Variants in MMAA observed in about 807,000 individuals in gnomAD.
MMAA encodes the protein metabolism of cobalamin associated A.
MMAA carries 41 observed loss-of-function variants against 45.0 expected under a neutral mutation model. The observed-to-expected ratio is 0.91, with a 90% CI of 0.71 to 1.18. MMAA has a LOEUF of 1.18. Ranked by LOEUF, MMAA falls within the 50% of genes most tolerant of loss-of-function variation. MMAA has a pLI of 0.00. For synonymous variants in MMAA, 154 were observed against 178.2 expected (o/e 0.86, Z 1.08); for missense variants, 460 against 495.7 (o/e 0.93, Z 0.68).
At chr4:145,646,250 T>C (rs1560799043) in intron 4 of MMAA, 94 bp downstream of exon 4, 4 of 1,383,502 alleles carry the variant, frequency 2.9e-6, no homozygotes, top group East Asian at 2.3e-5. Context: ...CAGCAGATAT[T>C]TGCTAAATGT....
chr4:145,635,774 C>G (rs1459489018), intron 1 of MMAA, among the ~76,000 whole-genome samples: 1 of 152,240 alleles, frequency 6.6e-6, no homozygotes, highest in African/African-American at 2.4e-5. Flanking sequence ...GATTTCCTCT[C>G]TCTGTTCTTT....
chr4:145,651,133 G>A lies in MMAA; in HGVS notation c.805G>A (p.Gly269Arg), dbSNP rs536601590. The A allele has an allele frequency of 1.2e-6, 2 of 1,613,876 alleles. No homozygotes were observed. The highest frequency in any genetic ancestry group is 2.7e-5 in the African/African-American group (2 of 75,050). ...MFVLLLPPAG[G>R]DELQGIKRGI... ...TGTTTTACTACTGCCACCAGCAGGAGGAGATGAGCTGCAGGTAATTATTTT... is the reference window on the plus strand; with the variant it reads ...TGTTTTACTACTGCCACCAGCAGGAAGAGATGAGCTGCAGGTAATTATTTT... Residue 269 changes from glycine (G) to arginine (R), a missense_variant, in exon 5 of 7, where the codon GGA becomes AGA. Physicochemically the swap from Gly to Arg is moderately radical, Grantham distance 125 (BLOSUM62 -2). Coordinates refer to ENST00000649156, the MANE Select transcript of MMAA (RefSeq NM_172250.3).
chr4:145,631,573 A>T (rs1340072241), intron 1 of MMAA, among the ~76,000 whole-genome samples: 1 of 152,068 alleles, frequency 6.6e-6, no homozygotes, highest in Non-Finnish European at 1.5e-5. Context: ...GCAACAGATC[A>T]TTGGGTCTTT....
At chr4:145,654,281 C>A (rs368666860) in intron 6 of MMAA, 138 bp downstream of exon 6, 3 of 1,066,924 alleles carry the variant, frequency 2.8e-6, no homozygotes, top group Admixed American at 3.8e-5. Flanking sequence ...ATGACAAAGA[C>A]GGAGTGTGTA....
chr4:145,647,001 G>A (rs1727943280), intron 4 of MMAA, among the ~76,000 whole-genome samples: 1 of 152,142 alleles, frequency 6.6e-6, no homozygotes, highest in African/African-American at 2.4e-5. Context: ...AAGCAGGAGA[G>A]TGAGAAAACC....
intron 1 of MMAA, chr4:145,624,100 C>A: frequency 9.6e-7 from 1 of 1,042,790 alleles, no homozygotes; most frequent in South Asian, 1.3e-5. Flanking sequence ...AAGCCACAGT[C>A]ACTCAGCTCA....
chr4:145,630,345 T>A (rs1465800741), intron 1 of MMAA, among the ~76,000 whole-genome samples: 1 of 152,238 alleles, frequency 6.6e-6, no homozygotes, highest in Non-Finnish European at 1.5e-5. Flanking sequence ...CCAGTTGTAA[T>A]GTCTCCTTTT....
intron 3 of MMAA, among the ~76,000 whole-genome samples, chr4:145,643,685 G>A (rs986754144): frequency 6.6e-6 from 1 of 152,204 alleles, no homozygotes; most frequent in African/African-American, 2.4e-5. Flanking sequence ...ATGTCAATAT[G>A]TTGTCTCATT....
intron 2 of MMAA, among the ~76,000 whole-genome samples, chr4:145,640,814 G>A (rs766575866): frequency 6.6e-6 from 1 of 152,136 alleles, no homozygotes; most frequent in African/African-American, 2.4e-5. Context: ...AATTAAACAA[G>A]CCAGTTTAGG....
intron 1 of MMAA, among the ~76,000 whole-genome samples, chr4:145,636,795 A>T (rs1372638289): frequency 6.6e-6 from 1 of 152,150 alleles, no homozygotes; most frequent in Non-Finnish European, 1.5e-5. Context: ...CACGTATTTT[A>T]TTCTGTGAGC....
intron 1 of MMAA, chr4:145,625,589 C>G (rs1734183508): frequency 3.8e-6 from 3 of 783,072 alleles, no homozygotes; most frequent in Admixed American, 3.4e-5. Context: ...TGGTGATGGT[C>G]TGGCACAGAG....
chr4:145,652,130 G>C (rs1728109976), intron 5 of MMAA, among the ~76,000 whole-genome samples: 1 of 152,166 alleles, frequency 6.6e-6, no homozygotes, highest in Admixed American at 6.5e-5. Context: ...TCCAAATGAA[G>C]ACACACATAA....
chr4:145,644,478 CATT>C (rs1727875153), intron 3 of MMAA, among the ~76,000 whole-genome samples: 1 of 152,074 alleles, frequency 6.6e-6, no homozygotes, highest in Non-Finnish European at 1.5e-5. Context: ...TATGTGGAAA[CATT>C]ATGTGGAAAG....
intron 1 of MMAA, among the ~76,000 whole-genome samples, chr4:145,634,422 G>T (rs554166130): frequency 1.3e-5 from 2 of 152,026 alleles, no homozygotes; most frequent in African/African-American, 2.4e-5. Context: ...TCAGTTTGTG[G>T]TGATGCTGGC....
chr4:145,627,662 C>T (rs1195529482), intron 1 of MMAA, among the ~76,000 whole-genome samples: 1 of 152,096 alleles, frequency 6.6e-6, no homozygotes, highest in Non-Finnish European at 1.5e-5. Flanking sequence ...TTGAATAGAA[C>T]ACTTAACTGC....
chr4:145,648,020 C>T (rs1308939594), intron 4 of MMAA, among the ~76,000 whole-genome samples: 27 of 149,150 alleles, frequency 1.8e-4, no homozygotes, highest in African/African-American at 6.2e-4. Flanking sequence ...CCATGCCCAG[C>T]TAATTTTTTT....
chr4:145,635,087 C>G (rs1727575074), intron 1 of MMAA, among the ~76,000 whole-genome samples: 1 of 152,092 alleles, frequency 6.6e-6, no homozygotes, highest in East Asian at 1.9e-4. Context: ...TGTTCCCCCT[C>G]CCTGAAACCC....
intron 4 of MMAA, chr4:145,646,414 C>T: frequency 2.3e-6 from 1 of 438,512 alleles, no homozygotes; most frequent in African/African-American, 2.0e-5. Context: ...CAGAGGAGAA[C>T]TGTAAACATT....
intron 3 of MMAA, among the ~76,000 whole-genome samples, chr4:145,644,992 T>C (rs1301892049): frequency 6.6e-6 from 1 of 152,198 alleles, no homozygotes; most frequent in Non-Finnish European, 1.5e-5. Context: ...ATTAAAAATA[T>C]GAAACCAAAA....
Sources: gnomAD v4.1 joint callset for allele counts (sites outside exome capture counted in the v4.1 genomes callset) on GRCh38, gnomAD v4.1.1 for gene constraint, MANE v1.5 for transcripts, NCBI Gene and HGNC (gene_info 2026-07-23, HGNC 2026-07-21) for gene names.